The following CDC42BPB variants were observed in gnomAD, a reference collection of about 807,000 sequenced individuals.
CDC42BPB encodes CDC42 binding protein kinase beta.
Under a neutral mutation model 214.9 loss-of-function variants are expected in CDC42BPB, and 37 were observed. The ratio of observed to expected loss-of-function variants is 0.17; its 90% confidence interval spans 0.13 to 0.23. The LOEUF (loss-of-function observed/expected upper bound fraction) is 0.23. Ranked by LOEUF, CDC42BPB falls within the 10% of genes least tolerant of loss-of-function variation. The probability of loss-of-function intolerance (pLI) is 1.00; values close to 1 mark genes in which losing one functional copy is unlikely to be tolerated. For missense variants in CDC42BPB, 1,694 were observed against 2,227.0 expected (o/e 0.76, Z 4.82); for synonymous variants, 931 against 884.0 (o/e 1.05, Z -0.94).
At chr14:103,056,140 G>C (rs1888933395) in intron 1 of CDC42BPB, among the ~76,000 whole-genome samples, 1 of 152,130 alleles carries the variant, frequency 6.6e-6, no homozygotes, top group Admixed American at 6.5e-5. Context: ...TAGGTTAGCT[G>C]ACCAATGATT....
chr14:102,962,467 C>T (rs1354944044), intron 20 of CDC42BPB, among the ~76,000 whole-genome samples: 1 of 152,216 alleles, frequency 6.6e-6, no homozygotes, highest in Non-Finnish European at 1.5e-5. Context: ...CGGGGTGGCC[C>T]CTCCAGCACA....
chr14:102,948,714 T>G (rs935975425), intron 26 of CDC42BPB, among the ~76,000 whole-genome samples: 30 of 46,590 alleles, frequency 6.4e-4, no homozygotes, highest in South Asian at 1.5e-3. Context: ...AGGGGGTGGG[T>G]GTGGAGGTGA....
intron 1 of CDC42BPB, among the ~76,000 whole-genome samples, chr14:103,040,423 C>G (rs888020911): frequency 6.6e-6 from 1 of 150,708 alleles, no homozygotes; most frequent in Non-Finnish European, 1.5e-5. Flanking sequence ...AAACAACTCT[C>G]ACTCTGAAAA....
chr14:102,966,327 T>C lies in CDC42BPB; in HGVS notation c.2532A>G (p.Glu844=), dbSNP rs1031209971. The change falls in exon 18 of 37, where the codon GAA becomes GAG. Residue 844 remains glutamate (E), a synonymous_variant. Transcript: ENST00000361246. ...TAGAACTCCTCAAAGCCTCGAGCTC[T>C]TCGGTCATCTTGGAAGCAAGAGCTT... ...YLQALASKMT[E]ELEALRSSSL... is the part of the protein sequence containing the mutation. 1 of 1,613,994 alleles carries C rather than the reference T, an allele frequency of 6.2e-7. No individual in the cohort carries two copies. The highest frequency in any genetic ancestry group is 1.3e-5 in the African/African-American group (1 of 74,950).
chr14:103,005,886 G>A (rs1885778377), intron 3 of CDC42BPB, among the ~76,000 whole-genome samples: 1 of 152,010 alleles, frequency 6.6e-6, no homozygotes, highest in Non-Finnish European at 1.5e-5. Context: ...TAGGCGTGGT[G>A]GCGGGTGCCT....
intron 1 of CDC42BPB, among the ~76,000 whole-genome samples, chr14:103,036,476 A>C: frequency 6.6e-6 from 1 of 152,116 alleles, no homozygotes; most frequent in East Asian, 1.9e-4. Context: ...TAAACACAAG[A>C]CTGAAAGCTT....
At position 103,012,197 on chromosome 14, in the gene CDC42BPB, A is replaced by C. The variant is rs774225148; in HGVS notation, c.176-9T>G. 1 of 1,601,670 alleles carries C rather than the reference A, an allele frequency of 6.2e-7. No individual in the cohort carries two copies. Among genetic ancestry groups the C allele is most frequent in the Non-Finnish European group, 8.6e-7 (1 of 1,169,366 alleles). On this transcript the variant is annotated splice_polypyrimidine_tract_variant and intron_variant, in intron 1 of 36. Transcript: ENST00000361246. ...CTGTGTAAATGGTTTAGCTACAAGT[A>C]AAACAGTAAAACCAACAATTTAGTC...
At chr14:103,012,844 T>C (rs1595144677) in intron 1 of CDC42BPB, among the ~76,000 whole-genome samples, 1 of 152,116 alleles carries the variant, frequency 6.6e-6, no homozygotes, top group East Asian at 1.9e-4. Flanking sequence ...CAAAAACCAC[T>C]GTGCTACAGC....
chr14:102,993,851 A>G (rs1028913148), intron 5 of CDC42BPB, among the ~76,000 whole-genome samples: 1 of 152,242 alleles, frequency 6.6e-6, no homozygotes, highest in African/African-American at 2.4e-5. Flanking sequence ...GATTAAAGAC[A>G]AGGATAATTA....
rs1454752241 is a variant in CDC42BPB, at chr14:102,946,319, G to A, written c.3748+149C>T. Reference sequence around the variant, plus strand: ...ATTACAGGCGTGAGCCACCGCACCCGGCCTCGTCTGCTTCTTAACATGCAT... The same window carrying A: ...ATTACAGGCGTGAGCCACCGCACCCAGCCTCGTCTGCTTCTTAACATGCAT... On this transcript the variant is annotated intron_variant, in intron 28 of 36. Transcript: ENST00000361246. 48 of 868,806 alleles carry A rather than the reference G, an allele frequency of 5.5e-5. 1 individual carries two copies. The highest frequency in any genetic ancestry group is 7.0e-4 in the Middle Eastern group (2 of 2,838). The allele number at this position is 868,806 out of a possible 1,614,324, so 53.8% of individuals were successfully genotyped here. A position where few individuals can be genotyped will look rare whatever the true frequency, so the allele number is the denominator to read the frequency against.
At chr14:103,044,749 AATCTT>A (rs1888199269) in intron 1 of CDC42BPB, among the ~76,000 whole-genome samples, 1 of 149,400 alleles carries the variant, frequency 6.7e-6, no homozygotes, top group Non-Finnish European at 1.5e-5. Flanking sequence ...GGGCTCAAGC[AATCTT>A]CCCACCTCGG....
At chr14:103,054,366 A>G (rs949610012) in intron 1 of CDC42BPB, among the ~76,000 whole-genome samples, 4 of 152,330 alleles carry the variant, frequency 2.6e-5, no homozygotes, top group East Asian at 1.9e-4. Flanking sequence ...AGGAATCGAC[A>G]TATCAGAGGT....
intron 1 of CDC42BPB, among the ~76,000 whole-genome samples, chr14:103,038,324 C>T (rs1229163196): frequency 1.0e-4 from 15 of 147,748 alleles, no homozygotes; most frequent in African/African-American, 3.7e-4. Context: ...GACAACAGAG[C>T]GAGCGAGACT....
At chr14:102,987,651 C>A (rs370001302) in intron 5 of CDC42BPB, among the ~76,000 whole-genome samples, 163 of 152,190 alleles carry the variant, frequency 1.1e-3, no homozygotes, top group African/African-American at 3.7e-3. Context: ...AAACCAGAAA[C>A]AAAACACAAA....
At chr14:102,980,362 G>A (rs758720449) in intron 8 of CDC42BPB, among the ~76,000 whole-genome samples, 4 of 152,100 alleles carry the variant, frequency 2.6e-5, no homozygotes, top group Non-Finnish European at 5.9e-5. Context: ...GCATGGTGGC[G>A]CATGCCTGTA....
In CDC42BPB at chr14:102,941,018, T is replaced by G. The variant is rs191831449; in HGVS notation, c.4409-694A>C. The G allele has an allele frequency of 1.2e-3, 885 of 727,688 alleles. 1 individual carries two copies. The highest frequency in any genetic ancestry group is 1.3e-3 in the Non-Finnish European group (794 of 594,262). The allele number at this position is 727,688 out of a possible 1,614,324, so 45.1% of individuals were successfully genotyped here. ...GTGCCACGGATGTGAAACCAAGGACTGCAAAGCCTTTGGCCATTTGGAGTT... is the reference window on the plus strand; with the variant it reads ...GTGCCACGGATGTGAAACCAAGGACGGCAAAGCCTTTGGCCATTTGGAGTT... On this transcript the variant is annotated intron_variant, in intron 30 of 36. Transcript: ENST00000361246.
intron 20 of CDC42BPB, among the ~76,000 whole-genome samples, chr14:102,962,801 G>A (rs539085295): frequency 1.3e-3 from 200 of 152,268 alleles, no homozygotes; most frequent in Middle Eastern, 6.8e-3. Flanking sequence ...GCAGTGAGCC[G>A]AGATTGTGCC....
chr14:102,988,009 A>G (rs968085721), intron 5 of CDC42BPB, among the ~76,000 whole-genome samples: 18 of 152,128 alleles, frequency 1.2e-4, no homozygotes, highest in African/African-American at 4.3e-4. Context: ...ACAAACACAC[A>G]CGCACGCACT....
At chr14:102,945,471 C>T (rs1407085517) in intron 29 of CDC42BPB, 191 bp downstream of exon 29, 13 of 589,834 alleles carry the variant, frequency 2.2e-5, no homozygotes, top group Middle Eastern at 4.4e-4. Flanking sequence ...TTGAAGAACT[C>T]GATGGATGTG....
Sources: allele counts gnomAD v4.1 joint callset (sites outside exome capture counted in the v4.1 genomes callset), GRCh38; gene constraint gnomAD v4.1.1; transcripts MANE v1.5; gene names NCBI Gene and HGNC (gene_info 2026-07-23, HGNC 2026-07-21).